HDAC4: variants seen among roughly 807,000 people sequenced by gnomAD.
HDAC4 encodes histone deacetylase 4.
HDAC4 carries 16 observed loss-of-function variants against 135.1 expected under a neutral mutation model. The observed-to-expected ratio is 0.12, with a 90% CI of 0.08 to 0.18. HDAC4 has a LOEUF of 0.18. HDAC4 is among the 10% of genes least tolerant of loss of function. HDAC4 has a pLI of 1.00. For missense variants in HDAC4, 1,143 were observed against 1,511.8 expected, an observed-to-expected ratio of 0.76 and a Z score of 4.05; for synonymous variants, 685 against 653.4, an observed-to-expected ratio of 1.05 and a Z score of -0.74.
chr2:239,106,889 G>A (rs1337074356), intron 15 of HDAC4, among the ~76,000 whole-genome samples: 2 of 152,176 alleles, frequency 1.3e-5, no homozygotes, highest in African/African-American at 4.8e-5. Flanking sequence ...CTGTTGGAGG[G>A]GTGGGTGTGG....
chr2:239,250,207 C>G (rs887522359), intron 2 of HDAC4, among the ~76,000 whole-genome samples: 5 of 152,256 alleles, frequency 3.3e-5, no homozygotes, highest in Non-Finnish European at 7.3e-5. Context: ...TCAGGAGACA[C>G]GTGTGGTCCA....
rs549049555 is a variant in HDAC4, at chr2:239,141,744, A to G, written c.866-1948T>C. Among the ~76,000 whole-genome samples, 2 of 152,260 alleles carry G rather than the reference A, an allele frequency of 1.3e-5. No individual in the cohort carries two copies. Among genetic ancestry groups the G allele is most frequent in the Admixed American group, 1.3e-4 (2 of 15,300 alleles). ...GTGCCTCCCAGCTGTGTCGTCAGAT[A>G]AATACCCTCACGCATGTGCCTGGGG... On this transcript the variant is annotated intron_variant, in intron 8 of 26. Coordinates refer to ENST00000543185, the MANE Select transcript of HDAC4 (RefSeq NM_001378414.1). The surrounding 1 kb of genome is among the most constrained non-coding windows in gnomAD (Gnocchi z 4.9).
chr2:239,338,180 G>A (rs1170295582), intron 2 of HDAC4, among the ~76,000 whole-genome samples: 2 of 152,170 alleles, frequency 1.3e-5, no homozygotes, highest in African/African-American at 4.8e-5. Context: ...AGCTGGACGT[G>A]TTTTATCTCA....
At chr2:239,190,445 TAAAG>T (rs2044859744) in intron 3 of HDAC4, among the ~76,000 whole-genome samples, 1 of 151,714 alleles carries the variant, frequency 6.6e-6, no homozygotes, top group Non-Finnish European at 1.5e-5. Context: ...ATGAGAAAAA[TAAAG>T]AAAAAGGTTG....
chr2:239,293,971 C>A (rs2051691843), intron 2 of HDAC4, among the ~76,000 whole-genome samples: 1 of 152,250 alleles, frequency 6.6e-6, no homozygotes, highest in African/African-American at 2.4e-5. Context: ...AAATCATCCA[C>A]TTGCAATTTA....
chr2:239,183,461 T>G (rs1026751068), intron 4 of HDAC4, among the ~76,000 whole-genome samples: 1 of 152,188 alleles, frequency 6.6e-6, no homozygotes, highest in Non-Finnish European at 1.5e-5. Context: ...CTGCCGCCCA[T>G]GGATGGGAAC....
intron 9 of HDAC4, among the ~76,000 whole-genome samples, chr2:239,137,373 G>A (rs1197573875): frequency 1.3e-5 from 2 of 152,190 alleles, no homozygotes; most frequent in South Asian, 2.1e-4. Flanking sequence ...GTCCCCTTAC[G>A]CACCTGGGCG....
At chr2:239,080,954 G>T in intron 22 of HDAC4, 141 bp downstream of exon 22, 1 of 637,654 alleles carries the variant, frequency 1.6e-6, no homozygotes, top group South Asian at 1.9e-5. Flanking sequence ...AGAATGAACT[G>T]AGACAGCTCC....
At chr2:239,209,018 A>G (rs1575413809) in intron 3 of HDAC4, among the ~76,000 whole-genome samples, 1 of 152,168 alleles carries the variant, frequency 6.6e-6, no homozygotes, top group East Asian at 1.9e-4. Flanking sequence ...CTGAGACTAC[A>G]GAGGCGCGCC....
chr2:239,096,079 T>C (rs1402869772), intron 16 of HDAC4, among the ~76,000 whole-genome samples: 1 of 152,118 alleles, frequency 6.6e-6, no homozygotes, highest in African/African-American at 2.4e-5. Flanking sequence ...CCACTCTGTG[T>C]GCTCTGGTCC....
rs1214537725 is a variant in HDAC4, at chr2:239,068,158, C to A, written c.2869+331G>T. Among the ~76,000 whole-genome samples the A allele has an allele frequency of 6.6e-6, 1 of 152,156 alleles. No homozygotes were observed. The highest frequency in any genetic ancestry group is 1.5e-5 in the Non-Finnish European group (1 of 68,020). ...CGCCTGCCAGAGAAGCGGCATGGGG[C>A]ACATCTCAGCTCTTGGTGGGACCAG... On this transcript the variant is annotated intron_variant, in intron 23 of 26. Coordinates refer to ENST00000543185, the MANE Select transcript of HDAC4 (RefSeq NM_001378414.1). This position sits in a 1 kb window ranked among gnomAD's most constrained non-coding sequence, Gnocchi z 4.4.
chr2:239,322,566 T>A (rs1298295513), intron 2 of HDAC4, among the ~76,000 whole-genome samples: 3 of 152,210 alleles, frequency 2.0e-5, no homozygotes, highest in African/African-American at 7.2e-5. Flanking sequence ...ATCTACTGTT[T>A]GACTTTCCCA....
At chr2:239,389,610 C>CT (rs1292649073) in intron 1 of HDAC4, among the ~76,000 whole-genome samples, 1 of 152,170 alleles carries the variant, frequency 6.6e-6, no homozygotes, top group African/African-American at 2.4e-5. Context: ...CTAAGGGATT[C>CT]TGAGGCGAGG....
At chr2:239,237,316 G>A (rs934637982) in intron 2 of HDAC4, among the ~76,000 whole-genome samples, 2 of 152,032 alleles carry the variant, frequency 1.3e-5, no homozygotes, top group African/African-American at 4.8e-5. Flanking sequence ...TAGACCGCCT[G>A]GGATTTTTCT....
rs1357685593 is a variant in HDAC4 at position 239,282,603 on chromosome 2, GCAAA to G, written c.23-45943_23-45940del. Among the ~76,000 whole-genome samples, 6 of 103,976 alleles carry G rather than the reference GCAAA, an allele frequency of 5.8e-5. No homozygotes were observed. The East Asian group carries it at 1.2e-3, about 22-fold the overall frequency. The allele number at this position is 103,976 out of a possible 152,430, so 68.2% of individuals were successfully genotyped here. A position where few individuals can be genotyped will look rare whatever the true frequency, so the allele number is the denominator to read the frequency against. On this transcript the variant is annotated intron_variant, in intron 2 of 26. Transcript: ENST00000543185. ...CACTCTACAATGTACACACCACTCT[GCAAA>G]CAATGTACACACCACTCGACAATGT...
chr2:239,376,738 C>T (rs1559394609), intron 1 of HDAC4, among the ~76,000 whole-genome samples: 2 of 151,980 alleles, frequency 1.3e-5, no homozygotes. Context: ...GATTAAAAAG[C>T]CACAGTGCTC....
At chr2:239,165,170 C>G (rs1412950758) in intron 5 of HDAC4, among the ~76,000 whole-genome samples, 3 of 152,146 alleles carry the variant, frequency 2.0e-5, no homozygotes, top group Non-Finnish European at 4.4e-5. Flanking sequence ...CTACAGTGAA[C>G]CAAGACTGTG....
At chr2:239,314,193 C>G (rs762846809) in intron 2 of HDAC4, among the ~76,000 whole-genome samples, 1 of 152,102 alleles carries the variant, frequency 6.6e-6, no homozygotes, top group South Asian at 2.1e-4. Context: ...TAGAGGAACA[C>G]GCTATGAACC....
intron 24 of HDAC4, 127 bp from the exon 25 acceptor site, chr2:239,054,960 T>C: frequency 2.8e-6 from 2 of 725,372 alleles, no homozygotes; most frequent in Non-Finnish European, 5.0e-6. Flanking sequence ...GCCCACAGAG[T>C]AGAAAAAAAT....
Sources: allele counts gnomAD v4.1 joint callset (sites outside exome capture counted in the v4.1 genomes callset), GRCh38; gene constraint gnomAD v4.1.1; non-coding constraint Gnocchi (gnomAD v3.1); transcripts MANE v1.5; gene names NCBI Gene and HGNC (gene_info 2026-07-23, HGNC 2026-07-21).